MYMK: variants seen among roughly 807,000 people sequenced by gnomAD.
MYMK encodes the protein myomaker, myoblast fusion factor.
MYMK carries 16 observed loss-of-function variants against 22.4 expected under a neutral mutation model. That is an observed-to-expected ratio of 0.72 (90% CI 0.48 to 1.09). MYMK has a LOEUF of 1.09. Ranked by LOEUF, MYMK falls within the 50% of genes least tolerant of loss-of-function variation. MYMK has a pLI of 0.00. For missense variants in MYMK, 250 were observed against 295.6 expected, an observed-to-expected ratio of 0.85 and a Z score of 1.13; for synonymous variants, 125 against 127.0, an observed-to-expected ratio of 0.98 and a Z score of 0.11.
chr9:133,517,291 AG>A (rs1844643095), intron 3 of MYMK, among the ~76,000 whole-genome samples: 1 of 152,088 alleles, frequency 6.6e-6, no homozygotes, highest in Non-Finnish European at 1.5e-5. Context: ...GGTGACTCCC[AG>A]GGGCCTCCTG....
At position 133,524,199 on chromosome 9, in the gene MYMK, G is replaced by A. The variant is rs114516497; in HGVS notation, c.135+511C>T. ...CCCCAGAAGAGGGAGAGACCAGCAG[G>A]CCCTCCTGAACCAGAGCAGCTCCAG... On this transcript the variant is annotated intron_variant, in intron 1 of 4. Transcript: ENST00000339996. Among the ~76,000 whole-genome samples the A allele has an allele frequency of 5.2e-3, 789 of 152,066 alleles. 6 individuals carry two copies. The highest frequency in any genetic ancestry group is 0.018 in the African/African-American group (746 of 41,462).
In MYMK at chr9:133,524,755, G is replaced by C. The variant is rs767847164; in HGVS notation, c.90C>G (p.Phe30Leu). The stretch of plus-strand genomic sequence containing the variant: ...AGAGGTAGACCATGGCCTCCATGTG[G>C]AACCGCCTCTTGGCCGCGATGCTGA... ...PTVSIAAKRR[F>L]HMEAMVYLFT... Residue 30 changes from phenylalanine (F) to leucine (L), a missense_variant, in exon 1 of 5, where the codon TTC becomes TTG. Coordinates refer to ENST00000339996, the MANE Select transcript of MYMK (RefSeq NM_001080483.3). The C allele has an allele frequency of 8.1e-6, 13 of 1,614,064 alleles. No homozygotes were observed. The highest frequency in any genetic ancestry group is 1.1e-5 in the Non-Finnish European group (13 of 1,180,040).
intron 1 of MYMK, among the ~76,000 whole-genome samples, chr9:133,522,343 C>CGGTTG (rs1554808691): frequency 7.1e-6 from 1 of 140,086 alleles, no homozygotes; most frequent in South Asian, 2.4e-4. Flanking sequence ...GAGTGGCTGT[C>CGGTTG]GGGGGGGGGC....
Position 133,515,645 on chromosome 9 carries a change from A to G in MYMK, c.400-38T>C, listed in dbSNP as rs1844622684. The G allele has an allele frequency of 7.0e-7, 1 of 1,433,684 alleles. No individual in the cohort carries two copies. Among genetic ancestry groups the G allele is most frequent in the Non-Finnish European group, 9.8e-7 (1 of 1,016,592 alleles). The allele number at this position is 1,433,684 out of a possible 1,614,324, so 88.8% of individuals were successfully genotyped here. On this transcript the variant is annotated intron_variant, in intron 3 of 4. Coordinates refer to ENST00000339996, the MANE Select transcript of MYMK (RefSeq NM_001080483.3). The surrounding 1 kb of genome is among the most constrained non-coding windows in gnomAD (Gnocchi z 5.8). ...GAGGCCACAGCAAAGCTTTTAGGTCACAGCACTGGGGAACGCCCCTCCCCA... is the reference window on the plus strand; with the variant it reads ...GAGGCCACAGCAAAGCTTTTAGGTCGCAGCACTGGGGAACGCCCCTCCCCA...
At chr9:133,522,373 C>G (rs1370932920) in intron 1 of MYMK, among the ~76,000 whole-genome samples, 6 of 151,586 alleles carry the variant, frequency 4.0e-5, no homozygotes, top group Middle Eastern at 3.4e-3. Flanking sequence ...TGTGTGGGGA[C>G]AAGCACACTG....
chr9:133,523,108 T>A (rs1210724672), intron 1 of MYMK, among the ~76,000 whole-genome samples: 1 of 152,106 alleles, frequency 6.6e-6, no homozygotes, highest in Non-Finnish European at 1.5e-5. Flanking sequence ...CCCCTGGGAG[T>A]GGCACACACT....
Position 133,518,842 on chromosome 9 carries a change from T to TCC in MYMK, c.399+30_399+31dup, listed in dbSNP as rs202034148. 4,441 of 1,589,860 alleles carry TCC rather than the reference T, an allele frequency of 2.8e-3. 108 individuals are homozygous for TCC. In the African/African-American group the frequency reaches 0.049, roughly 18 times the overall value. Reference sequence around the variant, plus strand: ...GGGGAGAGGTGACGGGCCTCCTGGGTCCCCGTTCATCGAGGCTCGCGCAGT... The same window carrying TCC: ...GGGGAGAGGTGACGGGCCTCCTGGGTCCCCCCGTTCATCGAGGCTCGCGCAGT... On this transcript the variant is annotated intron_variant, in intron 3 of 4. Transcript: ENST00000339996.
rs1844623803 is a variant in MYMK, at chr9:133,515,758, C to A, written c.400-151G>T. Reference sequence around the variant, plus strand: ...CTCAGGAGCCTCCTGCCGCACCCAGCCTCAGATGGCTTCTGCTGGACAGGG... The same window carrying A: ...CTCAGGAGCCTCCTGCCGCACCCAGACTCAGATGGCTTCTGCTGGACAGGG... On this transcript the variant is annotated intron_variant, in intron 3 of 4. Coordinates refer to ENST00000339996, the MANE Select transcript of MYMK (RefSeq NM_001080483.3). This position sits in a 1 kb window ranked among gnomAD's most constrained non-coding sequence, Gnocchi z 5.8. 1 of 602,546 alleles carries A rather than the reference C, an allele frequency of 1.7e-6. No homozygotes were observed. The allele number at this position is 602,546 out of a possible 1,614,324, so 37.3% of individuals were successfully genotyped here.
chr9:133,515,371 G>T lies in MYMK; in HGVS notation c.516+120C>A. 1.4e-6 allele frequency: 1 copy of T among 718,428 alleles called. No homozygotes were observed. Among genetic ancestry groups the T allele is most frequent in the South Asian group, 1.7e-5 (1 of 59,644 alleles). The allele number at this position is 718,428 out of a possible 1,614,324, so 44.5% of individuals were successfully genotyped here. A position where few individuals can be genotyped will look rare whatever the true frequency, so the allele number is the denominator to read the frequency against. On this transcript the variant is annotated intron_variant, in intron 4 of 4. Coordinates refer to ENST00000339996, the MANE Select transcript of MYMK (RefSeq NM_001080483.3). This position sits in a 1 kb window ranked among gnomAD's most constrained non-coding sequence, Gnocchi z 5.8. ...GGCTAGTGAGCAGGGACTAATACCA[G>T]ACTTTGGCCTGGGGCTGTCAGAGTC...
In MYMK at chr9:133,519,008, C is replaced by A. The variant is rs763827082; in HGVS notation, c.265G>T (p.Asp89Tyr). The A allele has an allele frequency of 5.6e-6, 9 of 1,613,706 alleles. No individual in the cohort carries two copies. The highest frequency in any genetic ancestry group is 7.6e-6 in the Non-Finnish European group (9 of 1,180,022). ...WVSLMALADF[D>Y]EPKRSTFVMF... Reference sequence around the variant, plus strand: ...ACAAATGTTGACCTCTTGGGTTCGTCGAAGTCGGCCAGTGCTGGAGGGGCC... The same window carrying A: ...ACAAATGTTGACCTCTTGGGTTCGTAGAAGTCGGCCAGTGCTGGAGGGGCC... The change falls in exon 3 of 5, where the codon GAC becomes TAC. Residue 89 changes from aspartate to tyrosine, a missense_variant. Coordinates refer to ENST00000339996, the MANE Select transcript of MYMK (RefSeq NM_001080483.3).
In MYMK at chr9:133,515,160, T is replaced by C. The variant is rs1844616341; in HGVS notation, c.516+331A>G. 7.1e-6 allele frequency among the ~76,000 whole-genome samples: 1 copy of C among 141,792 alleles called. No homozygotes were observed. The highest frequency in any genetic ancestry group is 2.6e-5 in the African/African-American group (1 of 38,586). 93.0% of individuals were successfully genotyped at this position (141,792 alleles called of 152,430 possible). A position where few individuals can be genotyped will look rare whatever the true frequency, so the allele number is the denominator to read the frequency against. ...TCTCCCTCCTTCCTTCCCTGTCTCC[T>C]CCCCTCCCTCCCTCCCTCCTCCAGG... On this transcript the variant is annotated intron_variant, in intron 4 of 4. Transcript: ENST00000339996. This position sits in a 1 kb window ranked among gnomAD's most constrained non-coding sequence, Gnocchi z 5.8.
intron 3 of MYMK, among the ~76,000 whole-genome samples, chr9:133,518,418 G>T (rs1242955239): frequency 1.3e-5 from 2 of 152,186 alleles, no homozygotes; most frequent in Admixed American, 6.5e-5. Context: ...GATTACCCCA[G>T]GCCATTTTCC....
rs1398135833 is a variant in MYMK at position 133,515,957 on chromosome 9, G to A, written c.400-350C>T. Among the ~76,000 whole-genome samples the A allele has an allele frequency of 6.6e-6, 1 of 152,218 alleles. No individual in the cohort carries two copies. The highest frequency in any genetic ancestry group is 2.4e-5 in the African/African-American group (1 of 41,472). On this transcript the variant is annotated intron_variant, in intron 3 of 4. Transcript: ENST00000339996. The surrounding 1 kb of genome is among the most constrained non-coding windows in gnomAD (Gnocchi z 5.8). Reference sequence around the variant, plus strand: ...GAGCTCTGGGGGGACTAGACTCCATGATTGCTTACCAAGGAAAGTACTGGA... The same window carrying A: ...GAGCTCTGGGGGGACTAGACTCCATAATTGCTTACCAAGGAAAGTACTGGA...
intron 4 of MYMK, among the ~76,000 whole-genome samples, 166 bp from the exon 5 acceptor site, chr9:133,514,951 T>C (rs1226895233): frequency 6.6e-6 from 1 of 152,164 alleles, no homozygotes; most frequent in Non-Finnish European, 1.5e-5. Flanking sequence ...TCTCTCCACC[T>C]AAACCCAGAG....
Position 133,514,794 on chromosome 9 carries a change from G to T in MYMK, c.517-9C>A, listed in dbSNP as rs367765689. 6.2e-7 allele frequency: 1 copy of T among 1,612,412 alleles called. No homozygotes were observed. The highest frequency in any genetic ancestry group is 1.3e-5 in the African/African-American group (1 of 74,894). On this transcript the variant is annotated splice_polypyrimidine_tract_variant and intron_variant, in intron 4 of 4. Transcript: ENST00000339996. ...TAAGTGTAGTCCCAGTCCTGCGGGG[G>T]GCAAGCGGTCAGTCTGGGGCCTCAG...
At position 133,524,696 on chromosome 9, in the gene MYMK, G is replaced by A. The variant is rs1564486280; in HGVS notation, c.135+14C>T. ...GGGGCCTGTGTGGGACTTCCTCCCAGCCCCCAGACTCACCGCCACGAAGAA... is the reference window on the plus strand; with the variant it reads ...GGGGCCTGTGTGGGACTTCCTCCCAACCCCCAGACTCACCGCCACGAAGAA... On this transcript the variant is annotated intron_variant, in intron 1 of 4. Coordinates refer to ENST00000339996, the MANE Select transcript of MYMK (RefSeq NM_001080483.3). 6.2e-7 allele frequency: 1 copy of A among 1,614,102 alleles called. No individual in the cohort carries two copies. The highest frequency in any genetic ancestry group is 8.5e-7 in the Non-Finnish European group (1 of 1,180,020).
intron 1 of MYMK, among the ~76,000 whole-genome samples, chr9:133,521,310 A>G (rs920705087): frequency 6.6e-6 from 1 of 152,188 alleles, no homozygotes; most frequent in Admixed American, 6.5e-5. Flanking sequence ...CAAGCTTGGG[A>G]AACAGCACGG....
chr9:133,520,173 C>T lies in MYMK; in HGVS notation c.250+1G>A, dbSNP rs184329062. On this transcript the variant is annotated splice_donor_variant, in intron 2 of 4. Coordinates refer to ENST00000339996, the MANE Select transcript of MYMK (RefSeq NM_001080483.3). LOFTEE classifies it high-confidence loss of function. ...CTTGTCTGCAGGGGTTGACCACTCA[C>T]CCATCAGCGAGACCCACATGCTCAG... The T allele has an allele frequency of 2.5e-6, 4 of 1,612,558 alleles. No individual in the cohort carries two copies. In the East Asian group the frequency reaches 6.7e-5, roughly 27 times the overall value.
intron 2 of MYMK, among the ~76,000 whole-genome samples, chr9:133,519,760 C>T (rs956491177): frequency 2.0e-5 from 3 of 152,138 alleles, no homozygotes; most frequent in East Asian, 1.9e-4. Context: ...GGCTTATGAA[C>T]AGTCCCGTCT....
Sources: gnomAD v4.1 joint callset for allele counts (sites outside exome capture counted in the v4.1 genomes callset) on GRCh38, gnomAD v4.1.1 for gene constraint, Gnocchi (gnomAD v3.1) non-coding constraint, MANE v1.5 for transcripts, NCBI Gene and HGNC (gene_info 2026-07-23, HGNC 2026-07-21) for gene names.